Variants in NREP observed in about 807,000 individuals in gnomAD.
The protein encoded by NREP is neuronal regeneration-related protein.
Under a neutral mutation model 8.6 loss-of-function variants are expected in NREP, and 5 were observed. The ratio of observed to expected loss-of-function variants is 0.58; its 90% CI spans 0.30 to 1.22. The LOEUF (loss-of-function observed/expected upper bound fraction) is 1.22, where lower values mean the gene tolerates loss of function less well. Ranked by LOEUF, NREP falls within the 50% of genes most tolerant of loss-of-function variation. NREP has a pLI of 0.07. For synonymous variants in NREP, 27 were observed against 28.0 expected (o/e 0.96, Z 0.11); for missense variants, 86 against 82.5 (o/e 1.04, Z -0.17).
chr5:111,761,303 A>G (rs1266921104), upstream of NREP, among the ~76,000 whole-genome samples: 1 of 152,206 alleles, frequency 6.6e-6, no homozygotes, highest in Non-Finnish European at 1.5e-5. Context: ...CTCTGGTCAG[A>G]TTGAATGAGG....
intron 2 of NREP, among the ~76,000 whole-genome samples, chr5:111,928,438 A>T (rs191316841): frequency 3.9e-3 from 589 of 152,282 alleles, no homozygotes; most frequent in Admixed American, 9.7e-3. Context: ...TCAGAAAAAA[A>T]TCTGACTGTA....
chr5:111,948,743 G>A (rs1756066072), intron 2 of NREP: 1 of 152,050 alleles, frequency 6.6e-6, no homozygotes, highest in Admixed American at 6.6e-5. Context: ...TAGATGAAAT[G>A]TTCCCAGCTG....
At chr5:111,849,560 A>T (rs1314897465) in intron 2 of NREP, among the ~76,000 whole-genome samples, 2 of 152,148 alleles carry the variant, frequency 1.3e-5, no homozygotes, top group Non-Finnish European at 2.9e-5. Context: ...GAAGACAGCA[A>T]GATTGGAGGC....
chr5:111,782,808 C>G (rs1751523612), intron 2 of NREP, among the ~76,000 whole-genome samples: 1 of 151,610 alleles, frequency 6.6e-6, no homozygotes, highest in African/African-American at 2.4e-5. Context: ...GATCTCAGCT[C>G]ACTGCAACTT....
chr5:111,911,026 T>G (rs1370881521), intron 2 of NREP, among the ~76,000 whole-genome samples: 7 of 152,004 alleles, frequency 4.6e-5, no homozygotes, highest in Non-Finnish European at 8.8e-5. Context: ...CAGTTCTGAC[T>G]AATGCTCTAG....
chr5:111,903,116 C>A (rs938527721), intron 2 of NREP, among the ~76,000 whole-genome samples: 7 of 136,248 alleles, frequency 5.1e-5, no homozygotes, highest in African/African-American at 1.7e-4. Flanking sequence ...CAGAGTCTCA[C>A]TCTGTAACCC....
intron 2 of NREP, among the ~76,000 whole-genome samples, chr5:111,961,563 G>A (rs943092705): frequency 1.3e-5 from 2 of 152,052 alleles, no homozygotes; most frequent in African/African-American, 2.4e-5. Context: ...ACTTCAAAGG[G>A]TTTTTATATG....
chr5:111,805,211 G>A (rs1418895840), intron 2 of NREP, among the ~76,000 whole-genome samples: 1 of 152,170 alleles, frequency 6.6e-6, no homozygotes, highest in Admixed American at 6.5e-5. Context: ...CAGGCTATGG[G>A]CTCTTTCATT....
rs77265605 is a variant in NREP, at chr5:111,730,969, G to T, written c.159C>A (p.Gly53=). 112 of 1,613,818 alleles carry T rather than the reference G, an allele frequency of 6.9e-5. No individual in the cohort carries two copies. The East Asian group carries it at 2.4e-3, about 35-fold the overall frequency. Residue 53 remains glycine (G), a synonymous_variant, in exon 4 of 4, where the codon GGC becomes GGA. Coordinates refer to ENST00000257435, the MANE Select transcript of NREP (RefSeq NM_004772.4). ...TTCTTGGGGAGCGGAGTTCACTGCT[G>T]CCCAGTGGAGTCAGGGAGGCAGCGT... ...ETNAASLTPL[G]SSELRSPRIS... is the part of the protein sequence containing the mutation.
intron 2 of NREP, among the ~76,000 whole-genome samples, chr5:111,777,855 C>G (rs567884109): frequency 3.3e-5 from 5 of 152,096 alleles, no homozygotes; most frequent in Non-Finnish European, 2.9e-5. Flanking sequence ...GGTCCCATCA[C>G]TTTCCCCATC....
chr5:111,926,532 T>C (rs1269040134), intron 2 of NREP, among the ~76,000 whole-genome samples: 1 of 152,034 alleles, frequency 6.6e-6, no homozygotes, highest in Admixed American at 6.5e-5. Flanking sequence ...AATATTAAAA[T>C]CAAGACTTCC....
chr5:111,735,400 T>A (rs928207111), intron 3 of NREP, 30 bp downstream of exon 3: 5 of 1,416,256 alleles, frequency 3.5e-6, no homozygotes, highest in Non-Finnish European at 4.0e-6. Context: ...TTGAAAATAG[T>A]GTTAACAATA....
At chr5:111,897,688 T>C (rs544445473) in intron 2 of NREP, among the ~76,000 whole-genome samples, 92 of 152,274 alleles carry the variant, frequency 6.0e-4, no homozygotes, top group African/African-American at 2.1e-3. Context: ...ACATTCTTCT[T>C]TTCCATGCTT....
intron 2 of NREP, among the ~76,000 whole-genome samples, chr5:111,843,213 A>G (rs1753075481): frequency 6.6e-6 from 1 of 151,896 alleles, no homozygotes; most frequent in South Asian, 2.1e-4. Flanking sequence ...TAAAAGTCCC[A>G]TAAGTTTTCT....
intron 2 of NREP, among the ~76,000 whole-genome samples, chr5:111,879,073 C>T (rs143188946): frequency 1.1e-4 from 16 of 152,246 alleles, no homozygotes; most frequent in South Asian, 2.1e-4. Flanking sequence ...TTGTGCCTTC[C>T]GCATAGTAAT....
intron 2 of NREP, among the ~76,000 whole-genome samples, chr5:111,780,634 T>G (rs537916751): frequency 1.2e-4 from 19 of 152,288 alleles, no homozygotes; most frequent in African/African-American, 4.3e-4. Flanking sequence ...GGATTTCAAA[T>G]CTTGTTTTGA....
intron 2 of NREP, among the ~76,000 whole-genome samples, chr5:111,875,336 G>C (rs547562722): frequency 6.6e-6 from 1 of 152,138 alleles, no homozygotes; most frequent in Non-Finnish European, 1.5e-5. Context: ...CATTTTACCA[G>C]ATCTGGAGTT....
intron 2 of NREP, among the ~76,000 whole-genome samples, chr5:111,823,116 T>C (rs575546857): frequency 6.6e-6 from 1 of 152,278 alleles, no homozygotes; most frequent in African/African-American, 2.4e-5. Flanking sequence ...TGTGCAGAAA[T>C]CATGGCAAGA....
chr5:111,959,533 TTAGATA>T lies in NREP; in HGVS notation c.135+15735_135+15740del, dbSNP rs369436365. Among the ~76,000 whole-genome samples, 639 of 152,060 alleles carry T rather than the reference TTAGATA, an allele frequency of 4.2e-3. 5 individuals are homozygous for T. Among genetic ancestry groups the T allele is most frequent in the African/African-American group, 0.014 (600 of 41,476 alleles). ...AACACAGCATTGAAGAGCGTTTAGA[TTAGATA>T]TAAAGAAAACTTAGTATCCAGAATA... On this transcript the variant is annotated intron_variant, in intron 2 of 3. Coordinates refer to the NREP transcript ENST00000395634.
Sources: gnomAD v4.1 joint callset for allele counts (sites outside exome capture counted in the v4.1 genomes callset) on GRCh38, gnomAD v4.1.1 for gene constraint, MANE v1.5 for transcripts, NCBI Gene and HGNC (gene_info 2026-07-23, HGNC 2026-07-21) for gene names.